The following SMYD3 variants were observed in gnomAD, a reference collection of about 807,000 sequenced individuals.
The protein encoded by SMYD3 is SET and MYND domain containing 3, also known as histone-lysine N-methyltransferase SMYD3.
A neutral mutation model predicts 57.7 loss-of-function variants in SMYD3; 36 were observed. That is an observed-to-expected ratio of 0.62 (90% CI 0.48 to 0.82). SMYD3 has a LOEUF of 0.82. Ranked by LOEUF, SMYD3 falls within the 40% of genes least tolerant of loss-of-function variation. The pLI is 0.00. For missense variants in SMYD3, 515 were observed against 538.8 expected (o/e 0.96, Z 0.44); for synonymous variants, 211 against 195.0 (o/e 1.08, Z -0.68).
chr1:246,054,944 G>C (rs948631085), intron 5 of SMYD3, among the ~76,000 whole-genome samples: 1 of 151,236 alleles, frequency 6.6e-6, no homozygotes. Context: ...GGGAGGCCGA[G>C]GCGGGCGGAT....
rs1391519590 is a variant in SMYD3, at chr1:246,465,221, T to C, written c.164+41833A>G. ...AGAAAAATGCCTAAACACCAACTGA[T>C]GTTTTCTTGTCAAATCTGTTTCATC... On this transcript the variant is annotated intron_variant, in intron 1 of 11. Coordinates refer to ENST00000490107, the MANE Select transcript of SMYD3 (RefSeq NM_001167740.2). 4.6e-5 allele frequency among the ~76,000 whole-genome samples: 7 copies of C among 152,362 alleles called. No individual in the cohort carries two copies. In the East Asian group the frequency reaches 1.3e-3, roughly 29 times the overall value.
At chr1:246,416,823 C>T (rs2067070169) in intron 1 of SMYD3, among the ~76,000 whole-genome samples, 1 of 152,094 alleles carries the variant, frequency 6.6e-6, no homozygotes, top group Non-Finnish European at 1.5e-5. Context: ...ACTCCCAAAG[C>T]ACAGAGAGGG....
At chr1:245,751,540 GAA>G (rs879872674) in intron 11 of SMYD3, among the ~76,000 whole-genome samples, 7,290 of 141,844 alleles carry the variant, frequency 0.051, 280 homozygotes, top group African/African-American at 0.097. Context: ...GAAAGAGAGA[GAA>G]AGAGAGAGAG....
chr1:246,055,783 A>T (rs1349342836), intron 5 of SMYD3, among the ~76,000 whole-genome samples: 4 of 152,224 alleles, frequency 2.6e-5, no homozygotes, highest in Non-Finnish European at 4.4e-5. Context: ...GATTCAACCT[A>T]TAGAAGTACC....
At chr1:246,476,571 G>A (rs780690753) in intron 1 of SMYD3, among the ~76,000 whole-genome samples, 3 of 152,160 alleles carry the variant, frequency 2.0e-5, no homozygotes, top group Non-Finnish European at 4.4e-5. Context: ...AGAAAGGGGT[G>A]ATATTTAACT....
intron 5 of SMYD3, among the ~76,000 whole-genome samples, chr1:246,028,572 G>A (rs536001389): frequency 1.1e-4 from 17 of 152,254 alleles, no homozygotes; most frequent in African/African-American, 4.1e-4. Flanking sequence ...ACTGATGGTA[G>A]AAACTGAAGA....
rs117050949 is a variant in SMYD3, at chr1:246,303,294, C to A, written c.531+23907G>T. 9.4e-4 allele frequency among the ~76,000 whole-genome samples: 143 copies of A among 152,256 alleles called. 3 individuals are homozygous for A. The East Asian group carries it at 0.022, about 24-fold the overall frequency. On this transcript the variant is annotated intron_variant, in intron 5 of 11. Transcript: ENST00000490107. Reference sequence around the variant, plus strand: ...TTAAGGTGGCCCCAAGATTCCTGCACCCCTGGAGTACACACTCTGTATAAT... The same window carrying A: ...TTAAGGTGGCCCCAAGATTCCTGCAACCCTGGAGTACACACTCTGTATAAT...
chr1:245,954,584 AAGGCTCG>A (rs2057770932), intron 5 of SMYD3, among the ~76,000 whole-genome samples: 1 of 152,214 alleles, frequency 6.6e-6, no homozygotes, highest in East Asian at 1.9e-4. Flanking sequence ...GCTGAGGTGG[AAGGCTCG>A]CTTGAGCCCC....
At chr1:246,354,027 A>G (rs1255383368) in intron 2 of SMYD3, among the ~76,000 whole-genome samples, 1 of 152,212 alleles carries the variant, frequency 6.6e-6, no homozygotes, top group Non-Finnish European at 1.5e-5. Context: ...AAAGGATAAA[A>G]TGAGAGAGAA....
At chr1:245,928,058 T>A (rs2147838387) in intron 6 of SMYD3, 25 bp from the exon 7 acceptor site, 8 of 1,582,788 alleles carry the variant, frequency 5.1e-6, no homozygotes, top group South Asian at 1.1e-5. Flanking sequence ...GGGGGAAGAC[T>A]GTCACAGCTC....
intron 1 of SMYD3, among the ~76,000 whole-genome samples, chr1:246,499,047 G>A (rs1468912632): frequency 3.3e-5 from 5 of 151,580 alleles, no homozygotes; most frequent in African/African-American, 4.9e-5. Context: ...CTCCCACCTC[G>A]TCCTAACAAA....
intron 5 of SMYD3, among the ~76,000 whole-genome samples, chr1:246,141,781 G>A (rs960160475): frequency 8.5e-5 from 13 of 152,200 alleles, no homozygotes; most frequent in Non-Finnish European, 1.3e-4. Flanking sequence ...ACATCTCCTG[G>A]AATACAGCAC....
At chr1:246,088,821 G>A (rs2060772428) in intron 5 of SMYD3, among the ~76,000 whole-genome samples, 1 of 140,100 alleles carries the variant, frequency 7.1e-6, no homozygotes, top group South Asian at 2.2e-4. Context: ...CTTATAATTT[G>A]TATAGGAAGA....
rs554326792 is a variant in SMYD3 at position 245,836,747 on chromosome 1, A to G, written c.1076+21749T>C. On this transcript the variant is annotated intron_variant, in intron 10 of 11. Transcript: ENST00000490107. ...GTCCTACACTCACAGCAATGTCCCG[A>G]CTCGGTTTCAGTGATGGCTTCAATG... Among the ~76,000 whole-genome samples the G allele has an allele frequency of 5.3e-4, 80 of 152,150 alleles. 2 individuals are homozygous for G. The South Asian group carries it at 0.016, about 30-fold the overall frequency.
At chr1:246,384,825 A>T (rs2066449388) in intron 1 of SMYD3, among the ~76,000 whole-genome samples, 1 of 152,168 alleles carries the variant, frequency 6.6e-6, no homozygotes, top group Admixed American at 6.5e-5. Context: ...AAAGACAACT[A>T]AGGTAGTTAA....
chr1:245,973,543 C>G (rs921576164), intron 5 of SMYD3, among the ~76,000 whole-genome samples: 1 of 152,090 alleles, frequency 6.6e-6, no homozygotes, highest in African/African-American at 2.4e-5. Context: ...GTACATGTGA[C>G]AAGGGAAAAA....
At chr1:246,195,797 C>T (rs1433454076) in intron 5 of SMYD3, among the ~76,000 whole-genome samples, 1 of 152,144 alleles carries the variant, frequency 6.6e-6, no homozygotes, top group Non-Finnish European at 1.5e-5. Flanking sequence ...AGGGTTCTTA[C>T]ATATAGCTCA....
chr1:246,282,379 G>C (rs1279036295), intron 5 of SMYD3, among the ~76,000 whole-genome samples: 1 of 146,098 alleles, frequency 6.8e-6, no homozygotes, highest in African/African-American at 2.5e-5. Context: ...CCCACCTGTA[G>C]GCCCAGCTAC....
intron 10 of SMYD3, among the ~76,000 whole-genome samples, chr1:245,851,297 C>T (rs2050962794): frequency 6.6e-6 from 1 of 152,176 alleles, no homozygotes; most frequent in Non-Finnish European, 1.5e-5. Flanking sequence ...TCGTTTACCA[C>T]AGTGCATTTA....
Sources: allele counts gnomAD v4.1 joint callset (sites outside exome capture counted in the v4.1 genomes callset), GRCh38; gene constraint gnomAD v4.1.1; transcripts MANE v1.5; gene names NCBI Gene and HGNC (gene_info 2026-07-23, HGNC 2026-07-21).